The following WIF1 variants were observed in gnomAD, a reference collection of about 807,000 sequenced individuals.
WIF1 encodes Wnt inhibitory factor 1.
In WIF1, 35 loss-of-function variants were observed where a neutral mutation model predicts 53.5. The observed-to-expected ratio is 0.65, with a 90% CI of 0.50 to 0.87. The LOEUF (loss-of-function observed/expected upper bound fraction) is 0.87, where lower values mean the gene tolerates loss of function less well. WIF1 is among the 40% of genes least tolerant of loss of function. The pLI, the probability that WIF1 is intolerant of heterozygous loss-of-function variation, is 0.00. For missense variants in WIF1, 467 were observed against 476.8 expected (o/e 0.98, Z 0.19); for synonymous variants, 171 against 170.4 (o/e 1.00, Z -0.03).
At chr12:65,057,390 G>T (rs1882545618) in intron 7 of WIF1, among the ~76,000 whole-genome samples, 1 of 152,152 alleles carries the variant, frequency 6.6e-6, no homozygotes, top group Non-Finnish European at 1.5e-5. Flanking sequence ...CTGGAGTAAG[G>T]CCCTAGGTGT....
intron 1 of WIF1, 118 bp downstream of exon 1, chr12:65,120,926 G>A: frequency 8.1e-7 from 1 of 1,239,098 alleles, no homozygotes; most frequent in Non-Finnish European, 1.1e-6. Context: ...TAAAAGAGGG[G>A]AACACTCTTT....
intron 6 of WIF1, among the ~76,000 whole-genome samples, 181 bp downstream of exon 6, chr12:65,066,460 A>C (rs1261176113): frequency 6.6e-6 from 1 of 152,132 alleles, no homozygotes; most frequent in East Asian, 1.9e-4. Context: ...TCTGTGAATG[A>C]AAATAAACTT....
chr12:65,059,895 G>T (rs1039852471), intron 7 of WIF1, among the ~76,000 whole-genome samples: 1 of 152,030 alleles, frequency 6.6e-6, no homozygotes, highest in African/African-American at 2.4e-5. Context: ...CAGGTGATCC[G>T]CCTGCTTCAG....
chr12:65,067,855 A>C, intron 4 of WIF1, 65 bp from the exon 5 acceptor site: 2 of 1,380,296 alleles, frequency 1.4e-6, no homozygotes, highest in South Asian at 2.4e-5. Flanking sequence ...AATCACAGCC[A>C]GTGTGAGACA....
intron 7 of WIF1, among the ~76,000 whole-genome samples, chr12:65,058,967 G>A (rs1423388105): frequency 6.6e-6 from 1 of 151,956 alleles, no homozygotes; most frequent in Non-Finnish European, 1.5e-5. Flanking sequence ...CAGAAGAATC[G>A]CTTGAACCTG....
intron 2 of WIF1, among the ~76,000 whole-genome samples, chr12:65,086,717 TTC>T (rs767169734): frequency 2.4e-4 from 37 of 151,238 alleles, no homozygotes; most frequent in African/African-American, 9.0e-4. Context: ...TTTTTTTTTT[TTC>T]ATCTCATCTC....
intron 2 of WIF1, among the ~76,000 whole-genome samples, chr12:65,113,419 G>T (rs1883462086): frequency 6.6e-6 from 1 of 152,072 alleles, no homozygotes; most frequent in South Asian, 2.1e-4. Context: ...GATTTTATTT[G>T]TGCGAGCAAT....
chr12:65,061,996 T>A (rs114731655), intron 7 of WIF1, among the ~76,000 whole-genome samples: 1 of 152,228 alleles, frequency 6.6e-6, no homozygotes, highest in Non-Finnish European at 1.5e-5. Context: ...TCTTTTTTTA[T>A]TGCTATGCGC....
chr12:65,097,019 TAAAA>T (rs11301288), intron 2 of WIF1, among the ~76,000 whole-genome samples: 5 of 137,686 alleles, frequency 3.6e-5, no homozygotes, highest in Non-Finnish European at 3.1e-5. Context: ...TCCTGGAACT[TAAAA>T]AAAAAAAAAA....
intron 2 of WIF1, among the ~76,000 whole-genome samples, chr12:65,078,207 T>A (rs1271387522): frequency 1.3e-5 from 2 of 152,022 alleles, no homozygotes; most frequent in Non-Finnish European, 2.9e-5. Flanking sequence ...GCCTCCTGAG[T>A]AGCTGGGATT....
chr12:65,078,807 A>G (rs1882902703), intron 2 of WIF1, among the ~76,000 whole-genome samples: 1 of 152,166 alleles, frequency 6.6e-6, no homozygotes, highest in Non-Finnish European at 1.5e-5. Flanking sequence ...GAATACTGAA[A>G]GTAATGATGC....
chr12:65,107,663 A>C (rs116780007), intron 2 of WIF1, among the ~76,000 whole-genome samples: 1,697 of 152,284 alleles, frequency 0.011, 30 homozygotes, highest in African/African-American at 0.039. Flanking sequence ...GAGGTTTCCT[A>C]CCTGGACTTG....
chr12:65,109,635 T>A (rs1592404381), intron 2 of WIF1, among the ~76,000 whole-genome samples: 1 of 152,200 alleles, frequency 6.6e-6, no homozygotes, highest in Non-Finnish European at 1.5e-5. Flanking sequence ...GTTCTTTGAA[T>A]TGTTACTTTT....
chr12:65,120,968 G>GC (rs1222202469), intron 1 of WIF1, 76 bp downstream of exon 1: 7 of 1,347,984 alleles, frequency 5.2e-6, no homozygotes, highest in Non-Finnish European at 5.8e-6. Flanking sequence ...CACAAGAAAC[G>GC]CAGGTATCCC....
At chr12:65,082,599 C>A (rs1041444594) in intron 2 of WIF1, among the ~76,000 whole-genome samples, 1 of 152,160 alleles carries the variant, frequency 6.6e-6, no homozygotes, top group African/African-American at 2.4e-5. Context: ...TGCTGGAGGT[C>A]ATTTAACTTG....
intron 5 of WIF1, 137 bp from the exon 6 acceptor site, chr12:65,066,873 AGT>A: frequency 2.2e-6 from 1 of 459,776 alleles, no homozygotes; most frequent in Non-Finnish European, 3.7e-6. Flanking sequence ...CAGAGATACA[AGT>A]TTGCTATATT....
intron 7 of WIF1, among the ~76,000 whole-genome samples, chr12:65,057,826 T>C (rs1195353780): frequency 2.0e-5 from 3 of 152,196 alleles, no homozygotes; most frequent in Non-Finnish European, 4.4e-5. Flanking sequence ...AAACAAGAAG[T>C]AAATTCTTTA....
chr12:65,113,842 C>G (rs1300971436), intron 2 of WIF1, among the ~76,000 whole-genome samples: 1 of 152,076 alleles, frequency 6.6e-6, no homozygotes. Flanking sequence ...AAAATCATGC[C>G]CACAGTATGT....
intron 2 of WIF1, among the ~76,000 whole-genome samples, chr12:65,098,179 T>C (rs1305752626): frequency 6.6e-6 from 1 of 152,194 alleles, no homozygotes; most frequent in Non-Finnish European, 1.5e-5. Flanking sequence ...TTTTTCAAAG[T>C]CATGTAAAAA....
Sources: gnomAD v4.1 joint callset for allele counts (sites outside exome capture counted in the v4.1 genomes callset) on GRCh38, gnomAD v4.1.1 for gene constraint, MANE v1.5 for transcripts, NCBI Gene and HGNC (gene_info 2026-07-23, HGNC 2026-07-21) for gene names.